GPHN: variants seen among roughly 807,000 people sequenced by gnomAD.
GPHN encodes the protein gephyrin.
A neutral mutation model predicts 95.5 loss-of-function variants in GPHN; 17 were observed. That is an observed-to-expected ratio of 0.18 (90% CI 0.12 to 0.27). GPHN has a LOEUF of 0.27. GPHN is among the 10% of genes least tolerant of loss of function. The probability of loss-of-function intolerance (pLI) is 1.00; values close to 1 mark genes in which losing one functional copy is unlikely to be tolerated. For missense variants in GPHN, 660 were observed against 978.1 expected (o/e 0.67, Z 4.34); for synonymous variants, 320 against 322.5 (o/e 0.99, Z 0.08).
the GPHN span, among the ~76,000 whole-genome samples, chr14:67,580,591 T>C: frequency 3.3e-5 from 5 of 152,254 alleles, no homozygotes; most frequent in African/African-American, 1.2e-4. Context: ...GGTAGCCCTC[T>C]GGGCATATTT....
At chr14:66,523,765 A>G (rs998962340) in intron 1 of GPHN, among the ~76,000 whole-genome samples, 2 of 152,152 alleles carry the variant, frequency 1.3e-5, no homozygotes, top group Non-Finnish European at 2.9e-5. Context: ...GTTGTGTATT[A>G]TAATACATTT....
At chr14:66,595,246 C>G (rs930255520) in intron 1 of GPHN, among the ~76,000 whole-genome samples, 2 of 152,148 alleles carry the variant, frequency 1.3e-5, no homozygotes, top group Non-Finnish European at 2.9e-5. Context: ...ATGGAGGTAT[C>G]TCAAAAATAA....
At chr14:66,916,325 A>C (rs999353270) in intron 6 of GPHN, among the ~76,000 whole-genome samples, 41 of 152,264 alleles carry the variant, frequency 2.7e-4, no homozygotes, top group Middle Eastern at 6.8e-3. Context: ...GAAGTGCATA[A>C]GACAACGTCC....
chr14:67,193,102 CT>C, the GPHN span, among the ~76,000 whole-genome samples: 10 of 142,168 alleles, frequency 7.0e-5, no homozygotes, highest in African/African-American at 2.5e-4. Flanking sequence ...CTCTATATAT[CT>C]CTATATAGAT....
At chr14:67,069,679 C>T (rs1402686567) in intron 11 of GPHN, among the ~76,000 whole-genome samples, 2 of 152,152 alleles carry the variant, frequency 1.3e-5, no homozygotes, top group African/African-American at 4.8e-5. Flanking sequence ...AAATAAAATT[C>T]CCAAGACAGC....
chr14:66,858,404 AAC>A (rs1013795644), intron 4 of GPHN, among the ~76,000 whole-genome samples: 1 of 151,746 alleles, frequency 6.6e-6, no homozygotes. Flanking sequence ...AACATTTCTA[AAC>A]ACACCCTGGG....
the GPHN span, chr14:67,581,129 C>CG: frequency 6.2e-6 from 5 of 802,390 alleles, no homozygotes; most frequent in South Asian, 5.8e-5. Context: ...CCTATCCAGA[C>CG]GGGGGGAGGG....
chr14:66,692,988 C>G (rs2067876580), intron 2 of GPHN, among the ~76,000 whole-genome samples: 1 of 151,830 alleles, frequency 6.6e-6, no homozygotes, highest in Admixed American at 6.6e-5. Context: ...TGGGTAACAT[C>G]TATTGATATT....
chr14:66,622,681 T>G (rs1385593497), intron 1 of GPHN, among the ~76,000 whole-genome samples: 1 of 152,134 alleles, frequency 6.6e-6, no homozygotes, highest in Non-Finnish European at 1.5e-5. Context: ...GTTCCACAGA[T>G]CTCTGGGGCA....
intron 3 of GPHN, among the ~76,000 whole-genome samples, chr14:66,777,388 T>A (rs1006433559): frequency 1.3e-5 from 2 of 152,148 alleles, no homozygotes; most frequent in African/African-American, 4.8e-5. Flanking sequence ...GAATTCTACC[T>A]GAGGTACAAG....
chr14:67,039,586 G>C (rs1248929084), intron 10 of GPHN, among the ~76,000 whole-genome samples: 1 of 152,164 alleles, frequency 6.6e-6, no homozygotes, highest in Non-Finnish European at 1.5e-5. Context: ...TTGAGCCCAG[G>C]AGTTCAAGAC....
At chr14:67,080,019 C>T (rs2076628969) in intron 11 of GPHN, among the ~76,000 whole-genome samples, 1 of 151,980 alleles carries the variant, frequency 6.6e-6, no homozygotes, top group Admixed American at 6.6e-5. Flanking sequence ...CAAGTGGTTA[C>T]ACCATTTTAT....
chr14:66,608,406 C>T (rs1248007480), intron 1 of GPHN, among the ~76,000 whole-genome samples: 1 of 151,948 alleles, frequency 6.6e-6, no homozygotes, highest in Non-Finnish European at 1.5e-5. Context: ...ATGACCAAAA[C>T]ATTTGGTTGA....
the GPHN span, among the ~76,000 whole-genome samples, chr14:67,280,913 T>C: frequency 2.0e-5 from 3 of 149,174 alleles, no homozygotes; most frequent in Admixed American, 6.7e-5. Context: ...CTTTTTTTTT[T>C]TGAGGTGGAG....
intron 2 of GPHN, among the ~76,000 whole-genome samples, chr14:66,761,400 AG>A (rs1451969941): frequency 6.6e-6 from 1 of 152,188 alleles, no homozygotes; most frequent in African/African-American, 2.4e-5. Flanking sequence ...ATATTATAGA[AG>A]GGGGGATACA....
chr14:67,036,187 A>G (rs901409399), intron 10 of GPHN, among the ~76,000 whole-genome samples: 1 of 151,888 alleles, frequency 6.6e-6, no homozygotes, highest in Non-Finnish European at 1.5e-5. Context: ...CTTTCGTGAT[A>G]TAACAATCAG....
At chr14:67,439,585 CT>C in the GPHN span, among the ~76,000 whole-genome samples, 167 of 132,412 alleles carry the variant, frequency 1.3e-3, no homozygotes, top group Admixed American at 3.4e-3. Flanking sequence ...TTCTTTCTTT[CT>C]TTCTTTCTTC....
chr14:67,446,182 C>A, the GPHN span: 14 of 387,146 alleles, frequency 3.6e-5, no homozygotes, highest in South Asian at 2.2e-4. Flanking sequence ...CGCCTTTGGG[C>A]AAATTGCTCC....
intron 2 of GPHN, among the ~76,000 whole-genome samples, chr14:66,704,910 A>G (rs1231474779): frequency 7.6e-6 from 1 of 131,688 alleles, no homozygotes; most frequent in East Asian, 2.3e-4. Context: ...CAGTAGATAG[A>G]CTGCTAGCCA....
Sources: allele counts gnomAD v4.1 joint callset (sites outside exome capture counted in the v4.1 genomes callset), GRCh38; gene constraint gnomAD v4.1.1; transcripts MANE v1.5; gene names NCBI Gene and HGNC (gene_info 2026-07-23, HGNC 2026-07-21).